SLC7A8: variants seen among roughly 807,000 people sequenced by gnomAD.
SLC7A8 encodes the protein large neutral amino acids transporter small subunit 2.
In SLC7A8, 30 loss-of-function variants were observed where a neutral mutation model predicts 51.2. The observed-to-expected ratio is 0.59, with a 90% CI of 0.44 to 0.80. The LOEUF (loss-of-function observed/expected upper bound fraction) is 0.80. Ranked by LOEUF, SLC7A8 falls within the 30% of genes least tolerant of loss-of-function variation. The pLI, the probability that SLC7A8 is intolerant of heterozygous loss-of-function variation, is 0.00. For synonymous variants in SLC7A8, 257 were observed against 275.8 expected, an observed-to-expected ratio of 0.93 and a Z score of 0.67; for missense variants, 612 against 674.4, an observed-to-expected ratio of 0.91 and a Z score of 1.03.
At chr14:23,180,169 G>T (rs1877109450) in intron 1 of SLC7A8, among the ~76,000 whole-genome samples, 1 of 152,168 alleles carries the variant, frequency 6.6e-6, no homozygotes, top group Admixed American at 6.5e-5. Flanking sequence ...GCCTCCCAAA[G>T]TGCTGGGATT....
At chr14:23,181,556 T>C (rs1260679301) in intron 1 of SLC7A8, among the ~76,000 whole-genome samples, 1 of 152,182 alleles carries the variant, frequency 6.6e-6, no homozygotes, top group Non-Finnish European at 1.5e-5. Flanking sequence ...CTGATTTTAT[T>C]TGATTTCAAG....
At chr14:23,142,730 G>C (rs992829528) in intron 4 of SLC7A8, among the ~76,000 whole-genome samples, 1 of 152,058 alleles carries the variant, frequency 6.6e-6, no homozygotes, top group African/African-American at 2.4e-5. Context: ...TCAAACTCCT[G>C]GGCTCAAGTG....
In SLC7A8 at chr14:23,128,408, G is replaced by A. The variant is rs914311844; in HGVS notation, c.1264-212C>T. The A allele has an allele frequency of 6.7e-7, 1 of 1,500,070 alleles. No individual in the cohort carries two copies. Among genetic ancestry groups the A allele is most frequent in the Admixed American group, 2.0e-5 (1 of 50,140 alleles). The allele number at this position is 1,500,070 out of a possible 1,614,324, so 92.9% of individuals were successfully genotyped here. ...ATGAACATGGTCGGTCAGACAGGAA[G>A]AGGATGGGGAGGAGTTAGGGAGGAA... On this transcript the variant is annotated intron_variant, in intron 9 of 10. Transcript: ENST00000316902. The surrounding 1 kb of genome is among the most constrained non-coding windows in gnomAD (Gnocchi z 4.3).
intron 3 of SLC7A8, chr14:23,155,371 TCCC>T (rs1566368104): frequency 1.3e-6 from 2 of 1,508,666 alleles, no homozygotes; most frequent in African/African-American, 1.4e-5. Context: ...CCTCCCCTCC[TCCC>T]TTCCTGGCTC....
chr14:23,166,144 G>T (rs1336143768), intron 2 of SLC7A8, among the ~76,000 whole-genome samples, 192 bp downstream of exon 2: 1 of 144,874 alleles, frequency 6.9e-6, no homozygotes, highest in Non-Finnish European at 1.5e-5. Flanking sequence ...CATCATTATC[G>T]GGAGCCTCAA....
At chr14:23,143,302 A>T in intron 3 of SLC7A8, 98 bp from the exon 4 acceptor site, 2 of 1,519,688 alleles carry the variant, frequency 1.3e-6, no homozygotes, top group South Asian at 2.4e-5. Flanking sequence ...CCTGACGATG[A>T]CATTGTAGTA....
Position 23,128,406 on chromosome 14 carries a change from A to G in SLC7A8, c.1264-210T>C. ...TGATGAACATGGTCGGTCAGACAGG[A>G]AGAGGATGGGGAGGAGTTAGGGAGG... is the stretch of plus-strand genomic sequence containing the variant. On this transcript the variant is annotated intron_variant, in intron 9 of 10. Transcript: ENST00000316902. The surrounding 1 kb of genome is among the most constrained non-coding windows in gnomAD (Gnocchi z 4.3). 6.6e-7 allele frequency: 1 copy of G among 1,507,614 alleles called. No individual in the cohort carries two copies. Among genetic ancestry groups the G allele is most frequent in the East Asian group, 2.5e-5 (1 of 39,328 alleles). 93.4% of individuals were successfully genotyped at this position (1,507,614 alleles called of 1,614,324 possible).
intron 7 of SLC7A8, among the ~76,000 whole-genome samples, chr14:23,136,878 A>G (rs992242999): frequency 6.6e-6 from 1 of 152,196 alleles, no homozygotes; most frequent in Non-Finnish European, 1.5e-5. Flanking sequence ...TAACATGCAC[A>G]CGAGGTTGCT....
chr14:23,152,391 A>T (rs1461451260), intron 3 of SLC7A8, among the ~76,000 whole-genome samples: 1 of 150,902 alleles, frequency 6.6e-6, no homozygotes, highest in Non-Finnish European at 1.5e-5. Context: ...TTGGCCTCTC[A>T]AAGTGCTGGG....
At chr14:23,132,960 A>G (rs1439416109) in intron 7 of SLC7A8, among the ~76,000 whole-genome samples, 2 of 150,870 alleles carry the variant, frequency 1.3e-5, no homozygotes, top group Non-Finnish European at 3.0e-5. Context: ...TAAAAAAAAA[A>G]TTGAGGCAGG....
chr14:23,172,854 A>T (rs1052529296), intron 1 of SLC7A8, among the ~76,000 whole-genome samples: 1 of 152,150 alleles, frequency 6.6e-6, no homozygotes, highest in African/African-American at 2.4e-5. Context: ...GGGCTTCTCA[A>T]CCTCAGCACT....
chr14:23,160,792 C>T (rs2048917185), intron 3 of SLC7A8, among the ~76,000 whole-genome samples: 1 of 152,016 alleles, frequency 6.6e-6, no homozygotes, highest in Non-Finnish European at 1.5e-5. Flanking sequence ...TGAAATAATA[C>T]AAAAGGAGAA....
Position 23,128,402 on chromosome 14 carries a change from C to T in SLC7A8, c.1264-206G>A. 1 of 1,513,276 alleles carries T rather than the reference C, an allele frequency of 6.6e-7. No individual in the cohort carries two copies. The highest frequency in any genetic ancestry group is 8.8e-7 in the Non-Finnish European group (1 of 1,130,530). 93.7% of individuals were successfully genotyped at this position (1,513,276 alleles called of 1,614,324 possible). On this transcript the variant is annotated intron_variant, in intron 9 of 10. Coordinates refer to ENST00000316902, the MANE Select transcript of SLC7A8 (RefSeq NM_012244.4). The surrounding 1 kb of genome is among the most constrained non-coding windows in gnomAD (Gnocchi z 4.3). ...ATGTTGATGAACATGGTCGGTCAGA[C>T]AGGAAGAGGATGGGGAGGAGTTAGG...
chr14:23,128,258 A>G lies in SLC7A8; in HGVS notation c.1264-62T>C. On this transcript the variant is annotated intron_variant, in intron 9 of 10. Coordinates refer to ENST00000316902, the MANE Select transcript of SLC7A8 (RefSeq NM_012244.4). This position sits in a 1 kb window ranked among gnomAD's most constrained non-coding sequence, Gnocchi z 4.3. ...GGCCACGTGGCCCCCAGGACTAGGG[A>G]CTGGGGCATTCTCTCTCTTCTTCAC... 1 of 1,599,160 alleles carries G rather than the reference A, an allele frequency of 6.3e-7. No individual in the cohort carries two copies.
chr14:23,126,784 C>G lies in SLC7A8; in HGVS notation c.*393G>C. The G allele has an allele frequency of 8.0e-6, 2 of 249,406 alleles. No individual in the cohort carries two copies. Among genetic ancestry groups the G allele is most frequent in the East Asian group, 1.0e-4 (1 of 9,670 alleles). The allele number at this position is 249,406 out of a possible 1,614,324, so 15.4% of individuals were successfully genotyped here. A position where few individuals can be genotyped will look rare whatever the true frequency, so the allele number is the denominator to read the frequency against. ...ACAGAATTGCTTGAGCCTGTCCCCC[C>G]ACAATGCAGCTCCTGTGGCCTCTCC... On this transcript the variant is annotated 3_prime_UTR_variant, in exon 11 of 11. Coordinates refer to ENST00000316902, the MANE Select transcript of SLC7A8 (RefSeq NM_012244.4).
chr14:23,147,078 T>TATCCATCCATTCATCCATCCATCC (rs1555304290), intron 3 of SLC7A8: 2 of 148,328 alleles, frequency 1.3e-5, no homozygotes, highest in African/African-American at 5.0e-5. Context: ...AGGGGCTTTT[T>TATCCATCCATTCATCCATCCATCC]ATCCATCCAT....
chr14:23,170,128 T>G (rs1026042129), intron 1 of SLC7A8, among the ~76,000 whole-genome samples: 1 of 152,164 alleles, frequency 6.6e-6, no homozygotes, highest in African/African-American at 2.4e-5. Context: ...AGAGGGCAGG[T>G]CATATCATTC....
intron 3 of SLC7A8, among the ~76,000 whole-genome samples, chr14:23,162,439 GCTA>G (rs1436030047): frequency 6.6e-6 from 1 of 152,214 alleles, no homozygotes; most frequent in Admixed American, 6.5e-5. Context: ...GACAAGATTG[GCTA>G]CTGTTAAGTT....
intron 1 of SLC7A8, among the ~76,000 whole-genome samples, chr14:23,166,873 C>T (rs1423576706): frequency 6.6e-6 from 1 of 152,170 alleles, no homozygotes; most frequent in Admixed American, 6.5e-5. Context: ...AGGTCCACAT[C>T]GCAGTAAGTG....
Sources: allele counts gnomAD v4.1 joint callset (sites outside exome capture counted in the v4.1 genomes callset), GRCh38; gene constraint gnomAD v4.1.1; non-coding constraint Gnocchi (gnomAD v3.1); transcripts MANE v1.5; gene names NCBI Gene and HGNC (gene_info 2026-07-23, HGNC 2026-07-21).